Variants in MGA observed in about 807,000 individuals in gnomAD.
MGA encodes the protein MAX dimerization protein MGA, also known as MAX gene-associated protein.
In MGA, 40 loss-of-function variants were observed where a neutral mutation model predicts 261.1. The observed-to-expected ratio is 0.15, with a 90% CI of 0.12 to 0.20. The LOEUF is 0.20. Ranked by LOEUF, MGA falls within the 10% of genes least tolerant of loss-of-function variation. The probability of loss-of-function intolerance (pLI) is 1.00; values close to 1 mark genes in which losing one functional copy is unlikely to be tolerated. For synonymous variants in MGA, 1,302 were observed against 1,290.6 expected, an observed-to-expected ratio of 1.01 and a Z score of -0.19; for missense variants, 3,397 against 3,630.5, an observed-to-expected ratio of 0.94 and a Z score of 1.65.
chr15:41,755,619 T>C (rs1196670695), intron 18 of MGA, among the ~76,000 whole-genome samples: 7 of 152,176 alleles, frequency 4.6e-5, no homozygotes, highest in Non-Finnish European at 1.0e-4. Flanking sequence ...CGAAGAGGAA[T>C]TCAACAAATG....
chr15:41,711,394 A>AT, intron 8 of MGA, 45 bp downstream of exon 8: 1 of 1,520,768 alleles, frequency 6.6e-7, no homozygotes, highest in Non-Finnish European at 8.8e-7. Context: ...GCTTGGCTAG[A>AT]AAGAGCGAGG....
intron 17 of MGA, chr15:41,751,896 A>G (rs184769358): frequency 6.6e-6 from 1 of 152,300 alleles, no homozygotes; most frequent in African/African-American, 2.4e-5. Context: ...TGATTGTCAT[A>G]CAACTGCTTG....
rs550782022 is a variant in MGA at position 41,669,801 on chromosome 15, C to G, written c.907C>G (p.Gln303Glu). The change falls in exon 2 of 24, where the codon CAA (glutamine) becomes GAA (glutamate). Residue 303 changes from glutamine to glutamate, a missense_variant. Gln to Glu is a conservative substitution (Grantham distance 29). This residue lies in a region of MGA where 563 missense variants were observed against 563.6 expected (regional missense o/e 1.00). Transcript: ENST00000219905. ...TACAGAAGGTCAGGGGTCAGAGATA[C>G]AACCAGGTGATTTGGATCCTTTGTC... is the stretch of plus-strand genomic sequence containing the variant. The G allele has an allele frequency of 1.2e-6, 2 of 1,613,844 alleles. No individual in the cohort carries two copies. Among genetic ancestry groups the G allele is most frequent in the Non-Finnish European group, 1.7e-6 (2 of 1,179,878 alleles).
At chr15:41,752,563 T>A (rs1188310275) in intron 17 of MGA, among the ~76,000 whole-genome samples, 1 of 148,876 alleles carries the variant, frequency 6.7e-6, no homozygotes, top group Non-Finnish European at 1.5e-5. Flanking sequence ...TTTTTTTTTT[T>A]TTTTTTTTTT....
chr15:41,736,067 A>T, intron 12 of MGA, 114 bp from the exon 13 acceptor site: 2 of 931,380 alleles, frequency 2.1e-6, no homozygotes, highest in Non-Finnish European at 1.5e-6. Flanking sequence ...ATTTTAAGTT[A>T]CTACTGTGAA....
At chr15:41,656,377 T>TCTCTCTCTCTATCTCTCA (rs1555403733), upstream of MGA, among the ~76,000 whole-genome samples, 1 of 68,276 alleles carries the variant, frequency 1.5e-5, no homozygotes, top group East Asian at 7.5e-4. Flanking sequence ...TCTCTCTCTC[T>TCTCTCTCTCTATCTCTCA]CACACCCAGG....
intron 1 of MGA, among the ~76,000 whole-genome samples, chr15:41,642,189 A>G (rs2056835481): frequency 6.6e-6 from 1 of 152,186 alleles, no homozygotes; most frequent in African/African-American, 2.4e-5. Flanking sequence ...CATTTCCCTA[A>G]TGACTAATGA....
chr15:41,695,332 G>A (rs543155268), intron 2 of MGA, among the ~76,000 whole-genome samples: 1 of 152,270 alleles, frequency 6.6e-6, no homozygotes, highest in South Asian at 2.1e-4. Context: ...GGGACTACTG[G>A]CATGTGCTAC....
intron 3 of MGA, 72 bp from the exon 4 acceptor site, chr15:41,698,791 T>A: frequency 8.2e-7 from 1 of 1,221,312 alleles, no homozygotes; most frequent in Non-Finnish European, 1.1e-6. Flanking sequence ...TTAAGTTTTT[T>A]TTAATCCTGT....
chr15:41,660,355 C>T (rs971995903), upstream of MGA: 1 of 152,678 alleles, frequency 6.5e-6, no homozygotes, highest in African/African-American at 2.4e-5. Flanking sequence ...CCTTTTGCGC[C>T]TGCGCGGCGG....
intron 12 of MGA, 150 bp from the exon 13 acceptor site, chr15:41,736,031 A>G (rs922508234): frequency 5.5e-6 from 4 of 726,394 alleles, no homozygotes; most frequent in Non-Finnish European, 6.4e-6. Flanking sequence ...CTTCCTGGAA[A>G]ACTCCCAAAT....
chr15:41,760,259 T>G (rs954232478), intron 19 of MGA, 64 bp from the exon 20 acceptor site: 15 of 1,511,612 alleles, frequency 9.9e-6, no homozygotes, highest in African/African-American at 1.4e-5. Context: ...CAGTGTCATT[T>G]GAAACAGAGT....
chr15:41,718,523 C>A, intron 9 of MGA: 1 of 506,700 alleles, frequency 2.0e-6, no homozygotes, highest in Non-Finnish European at 3.7e-6. Context: ...TCTTGTAGTT[C>A]TCTTTTTCTG....
intron 18 of MGA, among the ~76,000 whole-genome samples, chr15:41,757,031 C>T (rs2063190855): frequency 6.6e-6 from 1 of 151,808 alleles, no homozygotes; most frequent in Non-Finnish European, 1.5e-5. Flanking sequence ...GCATGGTAAA[C>T]TCTGTCTTAG....
Position 41,681,986 on chromosome 15 carries a change from C to T in MGA, c.1064+12028C>T, listed in dbSNP as rs528566825. ...AGGCTGGAGTGCAATGGTGCGATCT[C>T]GGCTTACTGCAACCGCTGCCTCCCA... On this transcript the variant is annotated intron_variant, in intron 2 of 23. Transcript: ENST00000219905. Among the ~76,000 whole-genome samples, 64 of 151,722 alleles carry T rather than the reference C, an allele frequency of 4.2e-4. No individual in the cohort carries two copies. In the South Asian group the frequency reaches 8.2e-3, roughly 19 times the overall value.
chr15:41,765,084 C>A (rs200498683), intron 23 of MGA, 22 bp downstream of exon 23: 2 of 1,612,036 alleles, frequency 1.2e-6, no homozygotes, highest in Non-Finnish European at 1.7e-6. Flanking sequence ...GTGTTGTCCT[C>A]TATGGGAAGT....
intron 2 of MGA, among the ~76,000 whole-genome samples, chr15:41,679,527 A>T (rs1377101457): frequency 6.6e-6 from 1 of 152,052 alleles, no homozygotes; most frequent in African/African-American, 2.4e-5. Context: ...AGTTAAATCT[A>T]TTCCTAAGTA....
chr15:41,745,203 C>G (rs2062373377), intron 15 of MGA, among the ~76,000 whole-genome samples: 1 of 143,864 alleles, frequency 7.0e-6, no homozygotes. Context: ...TTAAAAGAGA[C>G]AGCATTGACC....
chr15:41,754,928 G>A (rs941865283), intron 18 of MGA, among the ~76,000 whole-genome samples: 7 of 152,164 alleles, frequency 4.6e-5, no homozygotes, highest in Non-Finnish European at 7.3e-5. Context: ...TGTTAAATGA[G>A]GTAGTATGTG....
Sources: allele counts gnomAD v4.1 joint callset (sites outside exome capture counted in the v4.1 genomes callset), GRCh38; gene constraint gnomAD v4.1.1; regional missense constraint gnomAD v4.1.1; transcripts MANE v1.5; gene names NCBI Gene and HGNC (gene_info 2026-07-23, HGNC 2026-07-21).